The following GTF2H4 variants were observed in gnomAD, a reference collection of about 807,000 sequenced individuals.
GTF2H4 encodes BTF2 p52.
In GTF2H4, 49 loss-of-function variants were observed where a neutral mutation model predicts 62.2. The observed-to-expected ratio is 0.79, with a 90% confidence interval of 0.63 to 1.00. The LOEUF (loss-of-function observed/expected upper bound fraction) is 1.00. Among genes scored for constraint, GTF2H4 ranks in the 50% least tolerant of loss-of-function variants. GTF2H4 has a pLI of 0.00. For synonymous variants in GTF2H4, 189 were observed against 233.8 expected (o/e 0.81, Z 1.75); for missense variants, 479 against 587.8 (o/e 0.81, Z 1.91).
In GTF2H4 at chr6:30,912,496, C is replaced by T. The variant is rs1346150571; in HGVS notation, c.1089+38C>T. On this transcript the variant is annotated intron_variant, in intron 11 of 13. Coordinates refer to ENST00000259895, the MANE Select transcript of GTF2H4 (RefSeq NM_001517.5). The surrounding 1 kb of genome is among the most constrained non-coding windows in gnomAD (Gnocchi z 4.8). ...GGGAGAGGTGGAGCAGGAAGACAGG[C>T]TGCACTTGGGCTGCGGGGGACAGGG... 6.2e-7 allele frequency: 1 copy of T among 1,609,618 alleles called. No homozygotes were observed. Among genetic ancestry groups the T allele is most frequent in the African/African-American group, 1.3e-5 (1 of 74,860 alleles).
chr6:30,911,528 T>C lies in GTF2H4; in HGVS notation c.741+29T>C. 1 of 1,591,054 alleles carries C rather than the reference T, an allele frequency of 6.3e-7. No individual in the cohort carries two copies. The highest frequency in any genetic ancestry group is 8.6e-7 in the Non-Finnish European group (1 of 1,162,086). On this transcript the variant is annotated intron_variant, in intron 8 of 13. Coordinates refer to ENST00000259895, the MANE Select transcript of GTF2H4 (RefSeq NM_001517.5). The surrounding 1 kb of genome is among the most constrained non-coding windows in gnomAD (Gnocchi z 4.3). ...AGCAGGGGGCTGAAAGGTATAGAGA[T>C]GGGAAGGGGAAAGCAAGTTGTGGGG...
In GTF2H4 at chr6:30,912,422, GC is replaced by G. The variant is rs1562439906; in HGVS notation, c.1054del (p.Gln352SerfsTer13). ...TGGCGCAGGTGACCCGGGAGAGTGT[GC>G]AGCAGGCAATCGCCAGTGGCATCAC... ...VVAQVTRESVQQAIASGITAQ... is the reference protein window; with the variant it reads ...VVAQVTRESVXQAIASGITAQ... On this transcript the variant is annotated frameshift_variant, in exon 11 of 14. Coordinates refer to ENST00000259895, the MANE Select transcript of GTF2H4 (RefSeq NM_001517.5). LOFTEE classifies it high-confidence loss of function. This position sits in a 1 kb window ranked among gnomAD's most constrained non-coding sequence, Gnocchi z 4.8. 5 of 1,612,904 alleles carry G rather than the reference GC, an allele frequency of 3.1e-6. No homozygotes were observed. The highest frequency in any genetic ancestry group is 4.2e-6 in the Non-Finnish European group (5 of 1,180,036).
Position 30,909,614 on chromosome 6 carries a change from A to G in GTF2H4, c.242+75A>G. On this transcript the variant is annotated intron_variant, in intron 3 of 13. Coordinates refer to ENST00000259895, the MANE Select transcript of GTF2H4 (RefSeq NM_001517.5). This position sits in a 1 kb window ranked among gnomAD's most constrained non-coding sequence, Gnocchi z 4.3. Reference sequence around the variant, plus strand: ...GCTGTTCCTTGGAGCACTTCCAGGAAGTGTTAATAGATATATCACAAAACT... The same window carrying G: ...GCTGTTCCTTGGAGCACTTCCAGGAGGTGTTAATAGATATATCACAAAACT... 2 of 885,284 alleles carry G rather than the reference A, an allele frequency of 2.3e-6. No homozygotes were observed. The highest frequency in any genetic ancestry group is 3.7e-6 in the Non-Finnish European group (2 of 536,102). 54.8% of individuals were successfully genotyped at this position (885,284 alleles called of 1,614,324 possible). A position where few individuals can be genotyped will look rare whatever the true frequency, so the allele number is the denominator to read the frequency against.
rs577023692 is a variant in GTF2H4 at position 30,910,033 on chromosome 6, G to A, written c.344G>A (p.Arg115His). The change falls in exon 4 of 14, where the codon CGC becomes CAC. Residue 115 changes from arginine to histidine, a missense_variant. Arg to His is a conservative substitution (Grantham distance 29, BLOSUM62 0). Coordinates refer to ENST00000259895, the MANE Select transcript of GTF2H4 (RefSeq NM_001517.5). The surrounding 1 kb of genome is among the most constrained non-coding windows in gnomAD (Gnocchi z 4.7). ...LQGLILNPIFRQNLRIALLGG... is the reference protein window; with the variant it reads ...LQGLILNPIFHQNLRIALLGG... ...GGCCTCATCCTCAACCCCATTTTCC[G>A]CCAGAACCTCCGCATTGCCCTTCTG... is the stretch of plus-strand genomic sequence containing the variant. 1.5e-5 allele frequency: 24 copies of A among 1,612,878 alleles called. No individual in the cohort carries two copies. In the South Asian group the frequency reaches 2.3e-4, roughly 15 times the overall value.
At position 30,908,338 on chromosome 6, in the gene GTF2H4, C is replaced by G. The variant is rs1456632415; in HGVS notation, c.-69C>G. 6.5e-6 allele frequency: 1 copy of G among 154,218 alleles called. No individual in the cohort carries two copies. Among genetic ancestry groups the G allele is most frequent in the African/African-American group, 2.4e-5 (1 of 41,466 alleles). The allele number at this position is 154,218 out of a possible 1,614,324, so 9.6% of individuals were successfully genotyped here. ...TTCCCTCAATCTCCAGGAGCCAATGCGAGACTTTGGCTCCGATTAAGCGAC... is the reference window on the plus strand; with the variant it reads ...TTCCCTCAATCTCCAGGAGCCAATGGGAGACTTTGGCTCCGATTAAGCGAC... On this transcript the variant is annotated 5_prime_UTR_variant, in exon 1 of 14. Transcript: ENST00000259895.
At position 30,911,657 on chromosome 6, in the gene GTF2H4, C is replaced by T; in HGVS notation, c.742-27C>T. The T allele has an allele frequency of 6.3e-7, 1 of 1,588,456 alleles. No homozygotes were observed. On this transcript the variant is annotated intron_variant, in intron 8 of 13. Transcript: ENST00000259895. The surrounding 1 kb of genome is among the most constrained non-coding windows in gnomAD (Gnocchi z 4.3). Reference sequence around the variant, plus strand: ...GGGGGTGGGTGGGTTGTGTTTTGGACCCCAGCTGGAAACCTCTGTTCCTCA... The same window carrying T: ...GGGGGTGGGTGGGTTGTGTTTTGGATCCCAGCTGGAAACCTCTGTTCCTCA...
In GTF2H4 at chr6:30,909,138, G is replaced by T; in HGVS notation, c.102G>T (p.Leu34Phe). Residue 34 changes from leucine to phenylalanine, a missense_variant, in exon 2 of 14, where the codon TTG (leucine) becomes TTT (phenylalanine). Coordinates refer to ENST00000259895, the MANE Select transcript of GTF2H4 (RefSeq NM_001517.5). This position sits in a 1 kb window ranked among gnomAD's most constrained non-coding sequence, Gnocchi z 4.3. ...TGAGCCCTGGGGTATTGGACCGATT[G>T]TATGGGCACCCTGCCACATGTCTGG... ...GGLSPGVLDR[L>F]YGHPATCLAV... The T allele has an allele frequency of 6.2e-7, 1 of 1,614,024 alleles. No individual in the cohort carries two copies. The highest frequency in any genetic ancestry group is 8.5e-7 in the Non-Finnish European group (1 of 1,179,970).
At position 30,910,096 on chromosome 6, in the gene GTF2H4, C is replaced by T. The variant is rs556055755; in HGVS notation, c.374+33C>T. The T allele has an allele frequency of 1.2e-5, 19 of 1,606,772 alleles. No individual in the cohort carries two copies. The African/African-American group carries it at 1.9e-4, about 16-fold the overall frequency. ...ACTTCTCTCTCTTCCTAAGCTAGGGCAGGGGAACTGCTGCTTATTAAACCA... is the reference window on the plus strand; with the variant it reads ...ACTTCTCTCTCTTCCTAAGCTAGGGTAGGGGAACTGCTGCTTATTAAACCA... On this transcript the variant is annotated intron_variant, in intron 4 of 13. Coordinates refer to ENST00000259895, the MANE Select transcript of GTF2H4 (RefSeq NM_001517.5). The surrounding 1 kb of genome is among the most constrained non-coding windows in gnomAD (Gnocchi z 4.7).
rs1301166529 is a variant in GTF2H4 at position 30,913,663 on chromosome 6, A to G, written c.1217-148A>G. The stretch of plus-strand genomic sequence containing the variant: ...AAGATGAACCCCTGAGCAGACAAGC[A>G]TAGAGAATTAGTTTGTAAAATTGCG... On this transcript the variant is annotated intron_variant, in intron 13 of 13. Transcript: ENST00000259895. This position sits in a 1 kb window ranked among gnomAD's most constrained non-coding sequence, Gnocchi z 4.2. The G allele has an allele frequency of 2.7e-6, 2 of 754,256 alleles. No individual in the cohort carries two copies. Among genetic ancestry groups the G allele is most frequent in the Non-Finnish European group, 4.2e-6 (2 of 474,044 alleles). The allele number at this position is 754,256 out of a possible 1,614,324, so 46.7% of individuals were successfully genotyped here. A position where few individuals can be genotyped will look rare whatever the true frequency, so the allele number is the denominator to read the frequency against.
At position 30,911,871 on chromosome 6, in the gene GTF2H4, G is replaced by T. The variant is rs1793775668; in HGVS notation, c.825+104G>T. On this transcript the variant is annotated intron_variant, in intron 9 of 13. Transcript: ENST00000259895. The surrounding 1 kb of genome is among the most constrained non-coding windows in gnomAD (Gnocchi z 4.3). Reference sequence around the variant, plus strand: ...CTTGGGGCAGTAGCAGGAAGCAGTTGCCAGAACTGAATACTTGGGTCTCTC... The same window carrying T: ...CTTGGGGCAGTAGCAGGAAGCAGTTTCCAGAACTGAATACTTGGGTCTCTC... 2.1e-6 allele frequency: 3 copies of T among 1,401,994 alleles called. No homozygotes were observed. The Admixed American group carries it at 5.2e-5, about 24-fold the overall frequency. 86.8% of individuals were successfully genotyped at this position (1,401,994 alleles called of 1,614,324 possible).
In GTF2H4 at chr6:30,914,052, T is replaced by G; in HGVS notation, c.*69T>G. The G allele has an allele frequency of 7.2e-7, 1 of 1,397,880 alleles. No homozygotes were observed. Among genetic ancestry groups the G allele is most frequent in the African/African-American group, 1.5e-5 (1 of 68,154 alleles). The allele number at this position is 1,397,880 out of a possible 1,614,324, so 86.6% of individuals were successfully genotyped here. The stretch of plus-strand genomic sequence containing the variant: ...GGGGCGGGGCATCAGAACTCAGGTG[T>G]TTTTTATTTACGCGTCAGGGCTTTT... On this transcript the variant is annotated 3_prime_UTR_variant, in exon 14 of 14. Coordinates refer to ENST00000259895, the MANE Select transcript of GTF2H4 (RefSeq NM_001517.5).
Position 30,913,464 on chromosome 6 carries a change from T to C in GTF2H4, c.1216+77T>C, listed in dbSNP as rs773295240. The C allele has an allele frequency of 4.0e-6, 6 of 1,500,440 alleles. No homozygotes were observed. The highest frequency in any genetic ancestry group is 5.5e-6 in the Non-Finnish European group (6 of 1,097,690). The allele number at this position is 1,500,440 out of a possible 1,614,324, so 92.9% of individuals were successfully genotyped here. On this transcript the variant is annotated intron_variant, in intron 13 of 13. Transcript: ENST00000259895. This position sits in a 1 kb window ranked among gnomAD's most constrained non-coding sequence, Gnocchi z 4.2. ...ACAGTTCAGTCTGCATTTTATTTTTTACTTCATGGACTAGGAGAGAAAAGC... is the reference window on the plus strand; with the variant it reads ...ACAGTTCAGTCTGCATTTTATTTTTCACTTCATGGACTAGGAGAGAAAAGC...
chr6:30,913,315 G>A lies in GTF2H4; in HGVS notation c.1144G>A (p.Val382Met). 3 of 1,613,676 alleles carry A rather than the reference G, an allele frequency of 1.9e-6. No homozygotes were observed. Among genetic ancestry groups the A allele is most frequent in the Admixed American group, 3.3e-5 (2 of 60,022 alleles). ...AHPVMLKQTP[V>M]LPPTITDQIR... ...CAACCCTTGCTCCTTGCAGACACCT[G>A]TGCTGCCCCCCACCATCACCGACCA... The change falls in exon 13 of 14, where the codon GTG becomes ATG. Residue 382 changes from valine to methionine, a missense_variant. By Grantham distance (21) the Val-to-Met change is conservative. Coordinates refer to ENST00000259895, the MANE Select transcript of GTF2H4 (RefSeq NM_001517.5). This position sits in a 1 kb window ranked among gnomAD's most constrained non-coding sequence, Gnocchi z 4.2.
At position 30,909,843 on chromosome 6, in the gene GTF2H4, G is replaced by A. The variant is rs1793690539; in HGVS notation, c.243-89G>A. ...CTGTGGAACAGTGTTCCAAGGGTCA[G>A]CAAGTTCAGAACAGGCAGAGATGGT... On this transcript the variant is annotated intron_variant, in intron 3 of 13. Coordinates refer to ENST00000259895, the MANE Select transcript of GTF2H4 (RefSeq NM_001517.5). The surrounding 1 kb of genome is among the most constrained non-coding windows in gnomAD (Gnocchi z 4.3). The A allele has an allele frequency of 7.6e-7, 1 of 1,307,946 alleles. No homozygotes were observed. The highest frequency in any genetic ancestry group is 1.5e-5 in the African/African-American group (1 of 67,730). The allele number at this position is 1,307,946 out of a possible 1,614,324, so 81.0% of individuals were successfully genotyped here.
chr6:30,913,333 A>G lies in GTF2H4; in HGVS notation c.1162A>G (p.Thr388Ala). Residue 388 changes from threonine to alanine, a missense_variant, in exon 13 of 14, where the codon ACC becomes GCC. Coordinates refer to ENST00000259895, the MANE Select transcript of GTF2H4 (RefSeq NM_001517.5). The surrounding 1 kb of genome is among the most constrained non-coding windows in gnomAD (Gnocchi z 4.2). ...KQTPVLPPTI[T>A]DQIRLWELER... is the part of the protein sequence containing the mutation. ...GACACCTGTGCTGCCCCCCACCATC[A>G]CCGACCAGATCCGGCTCTGGGAGCT... is the stretch of plus-strand genomic sequence containing the variant. 1 of 1,613,398 alleles carries G rather than the reference A, an allele frequency of 6.2e-7. No homozygotes were observed. The highest frequency in any genetic ancestry group is 8.5e-7 in the Non-Finnish European group (1 of 1,180,014).
In GTF2H4 at chr6:30,913,900, TCGGCCAAG is replaced by T; in HGVS notation, c.1311_1318del (p.Lys438HisfsTer21). The T allele has an allele frequency of 6.2e-7, 1 of 1,610,302 alleles. No homozygotes were observed. The highest frequency in any genetic ancestry group is 1.1e-5 in the South Asian group (1 of 90,720). ...GCTGGGCGTGCTCGTGTTCGAGAAC[TCGGCCAAG>T]CGGCTCATGGTGGTGACCCCGGCCG... On this transcript the variant is annotated frameshift_variant, in exon 14 of 14. Transcript: ENST00000259895. LOFTEE classifies it high-confidence loss of function. The surrounding 1 kb of genome is among the most constrained non-coding windows in gnomAD (Gnocchi z 4.2).
Position 30,913,191 on chromosome 6 carries a change from A to G in GTF2H4, c.1137+34A>G. 1 of 1,613,988 alleles carries G rather than the reference A, an allele frequency of 6.2e-7. No individual in the cohort carries two copies. Among genetic ancestry groups the G allele is most frequent in the Non-Finnish European group, 8.5e-7 (1 of 1,179,874 alleles). ...AGGCTCCAAGATGTCAGAGGCTGGCAGCTGGTGATGACATGATGGAAAAGA... is the reference window on the plus strand; with the variant it reads ...AGGCTCCAAGATGTCAGAGGCTGGCGGCTGGTGATGACATGATGGAAAAGA... On this transcript the variant is annotated intron_variant, in intron 12 of 13. Transcript: ENST00000259895. This position sits in a 1 kb window ranked among gnomAD's most constrained non-coding sequence, Gnocchi z 4.2.
Position 30,913,225 on chromosome 6 carries a change from C to T in GTF2H4, c.1137+68C>T, listed in dbSNP as rs1389955842. ...TGACATGATGGAAAAGAAAAAGGGG[C>T]ATCCAAATCTGGGGAAGAAACAGAG... On this transcript the variant is annotated intron_variant, in intron 12 of 13. Transcript: ENST00000259895. This position sits in a 1 kb window ranked among gnomAD's most constrained non-coding sequence, Gnocchi z 4.2. The T allele has an allele frequency of 5.6e-6, 9 of 1,612,092 alleles. No individual in the cohort carries two copies. The East Asian group carries it at 1.3e-4, about 24-fold the overall frequency.
rs1793901040 is a variant in GTF2H4 at position 30,913,423 on chromosome 6, G to C, written c.1216+36G>C. 6.2e-7 allele frequency: 1 copy of C among 1,605,104 alleles called. No homozygotes were observed. ...TCTGGTGGCCAAGTCTTGGTCATTG[G>C]CCAGAGAAAGGGCAGACAGTTCAGT... On this transcript the variant is annotated intron_variant, in intron 13 of 13. Coordinates refer to ENST00000259895, the MANE Select transcript of GTF2H4 (RefSeq NM_001517.5). The surrounding 1 kb of genome is among the most constrained non-coding windows in gnomAD (Gnocchi z 4.2).
Sources: allele counts gnomAD v4.1 joint callset, GRCh38; gene constraint gnomAD v4.1.1; non-coding constraint Gnocchi (gnomAD v3.1); transcripts MANE v1.5; gene names NCBI Gene and HGNC (gene_info 2026-07-23, HGNC 2026-07-21).